Variants in LRCH3 observed in about 807,000 individuals in gnomAD.
LRCH3 encodes the protein DISP complex protein LRCH3.
Under a neutral mutation model 104.5 loss-of-function variants are expected in LRCH3, and 68 were observed. The ratio of observed to expected loss-of-function variants is 0.65; its 90% CI spans 0.54 to 0.80. LRCH3 has a LOEUF of 0.80. LRCH3 is among the 30% of genes least tolerant of loss of function. The pLI is 0.00. For synonymous variants in LRCH3, 344 were observed against 361.3 expected, an observed-to-expected ratio of 0.95 and a Z score of 0.54; for missense variants, 951 against 953.9, an observed-to-expected ratio of 1.00 and a Z score of 0.04.
At chr3:197,841,119 A>C (rs1737742170) in intron 10 of LRCH3, among the ~76,000 whole-genome samples, 1 of 152,256 alleles carries the variant, frequency 6.6e-6, no homozygotes, top group African/African-American at 2.4e-5. Context: ...TGGAGGATAG[A>C]GCCTGGGCAG....
chr3:197,812,503 A>ATTTTTTTTTTTTTTTTTTT (rs1439272123), intron 1 of LRCH3, among the ~76,000 whole-genome samples: 1 of 8,584 alleles, frequency 1.2e-4, no homozygotes, highest in Non-Finnish European at 2.6e-4. Flanking sequence ...CTCTGCTTTC[A>ATTTTTTTTTTTTTTTTTTT]GTTTTTTTTT....
Position 197,791,433 on chromosome 3 carries a change from C to A in LRCH3, c.155C>A (p.Ala52Asp). 1 of 1,595,504 alleles carries A rather than the reference C, an allele frequency of 6.3e-7. No homozygotes were observed. The highest frequency in any genetic ancestry group is 8.5e-7 in the Non-Finnish European group (1 of 1,172,442). Residue 52 changes from alanine (A) to aspartate (D), a missense_variant, in exon 1 of 21, where the codon GCC becomes GAC. Coordinates refer to ENST00000425562, the MANE Select transcript of LRCH3 (RefSeq NM_001365715.1). ...PGSWSRSLDR[A>D]LEEAAVTGVL... is the part of the protein sequence containing the mutation. ...TCGTGGAGCCGCTCTCTCGATCGAG[C>A]CCTGGAGGAGGCGGCGGTCACTGGG...
At chr3:197,846,872 T>C (rs1159951363) in intron 10 of LRCH3, among the ~76,000 whole-genome samples, 3 of 150,446 alleles carry the variant, frequency 2.0e-5, no homozygotes, top group Non-Finnish European at 4.4e-5. Flanking sequence ...GAAGTACTAC[T>C]TTTTTTTTGT....
chr3:197,865,918 C>T (rs534099383), intron 16 of LRCH3, among the ~76,000 whole-genome samples, 194 bp from the exon 17 acceptor site: 1 of 152,136 alleles, frequency 6.6e-6, no homozygotes, highest in Non-Finnish European at 1.5e-5. Flanking sequence ...CCAAAAATAA[C>T]ATGACAATGT....
At chr3:197,853,376 G>A (rs1419769974) in intron 13 of LRCH3, among the ~76,000 whole-genome samples, 2 of 152,030 alleles carry the variant, frequency 1.3e-5, no homozygotes, top group African/African-American at 4.8e-5. Flanking sequence ...TTTCAGTAGA[G>A]ACGGGGTTTC....
At chr3:197,803,608 T>C (rs551708492) in intron 1 of LRCH3, among the ~76,000 whole-genome samples, 167 of 151,766 alleles carry the variant, frequency 1.1e-3, no homozygotes, top group African/African-American at 3.8e-3. Flanking sequence ...GAGGTTGCAG[T>C]GAGCTGAGAT....
chr3:197,871,272 C>T, intron 18 of LRCH3, 53 bp from the exon 19 acceptor site: 1 of 1,368,126 alleles, frequency 7.3e-7, no homozygotes, highest in Non-Finnish European at 1.0e-6. Flanking sequence ...CCCTTATGTC[C>T]TATATGTCAG....
intron 1 of LRCH3, among the ~76,000 whole-genome samples, chr3:197,796,189 C>T (rs1478510162): frequency 4.6e-5 from 7 of 152,128 alleles, no homozygotes; most frequent in African/African-American, 7.2e-5. Context: ...TAAAGGACTT[C>T]GGCAGTTATT....
intron 20 of LRCH3, chr3:197,880,641 G>A: frequency 6.5e-7 from 1 of 1,536,692 alleles, no homozygotes; most frequent in Non-Finnish European, 8.7e-7. Context: ...GCAGCTTCTG[G>A]GTTTTGTGGC....
chr3:197,876,485 A>G (rs1021926692), intron 20 of LRCH3: 2 of 152,254 alleles, frequency 1.3e-5, no homozygotes, highest in Non-Finnish European at 2.9e-5. Context: ...AAGGGAAATG[A>G]ACTTGATACA....
intron 1 of LRCH3, among the ~76,000 whole-genome samples, chr3:197,793,952 TTCAC>T (rs1408417056): frequency 2.0e-5 from 3 of 152,240 alleles, no homozygotes; most frequent in Admixed American, 2.0e-4. Flanking sequence ...TTATTGAGTG[TTCAC>T]TATTTGTAAT....
chr3:197,872,869 G>A (rs1480866138), intron 19 of LRCH3, among the ~76,000 whole-genome samples: 2 of 152,072 alleles, frequency 1.3e-5, no homozygotes, highest in Non-Finnish European at 2.9e-5. Flanking sequence ...AAGAAAAAAA[G>A]GGAAAAGAAA....
chr3:197,849,470 T>C (rs1358648896), intron 12 of LRCH3, among the ~76,000 whole-genome samples: 1 of 152,116 alleles, frequency 6.6e-6, no homozygotes. Context: ...TCTCTTGTCC[T>C]CCTTTATCTC....
intron 14 of LRCH3, 59 bp from the exon 15 acceptor site, chr3:197,858,775 T>C: frequency 7.3e-7 from 1 of 1,378,136 alleles, no homozygotes; most frequent in South Asian, 1.2e-5. Flanking sequence ...TCTGCCTGCC[T>C]GACATTTGCT....
chr3:197,883,052 A>G lies in LRCH3; in HGVS notation c.2209-489A>G. ...TTTCACAGTCAGGATTATAATGCAG[A>G]TAGCGTAGAACTCATGCAGGCTGAG... On this transcript the variant is annotated intron_variant, in intron 20 of 20. Transcript: ENST00000425562. The surrounding 1 kb of genome is among the most constrained non-coding windows in gnomAD (Gnocchi z 4.2). The G allele has an allele frequency of 3.0e-6, 3 of 985,546 alleles. No individual in the cohort carries two copies. Among genetic ancestry groups the G allele is most frequent in the Non-Finnish European group, 3.6e-6 (3 of 830,036 alleles). 61.1% of individuals were successfully genotyped at this position (985,546 alleles called of 1,614,324 possible).
chr3:197,839,612 A>G (rs888710062), intron 10 of LRCH3, among the ~76,000 whole-genome samples: 1 of 152,178 alleles, frequency 6.6e-6, no homozygotes, highest in African/African-American at 2.4e-5. Context: ...CTACACAGTT[A>G]ATCGATCTGA....
intron 19 of LRCH3, 110 bp from the exon 20 acceptor site, chr3:197,875,588 A>G (rs541591835): frequency 4.4e-5 from 32 of 732,906 alleles, no homozygotes; most frequent in Admixed American, 7.3e-5. Context: ...TGGGAGGTCA[A>G]TGATACAGCG....
At chr3:197,880,412 A>C (rs1181995913) in intron 20 of LRCH3, 2 of 924,718 alleles carry the variant, frequency 2.2e-6, no homozygotes, top group Non-Finnish European at 3.4e-6. Context: ...GTATATGTGA[A>C]TATGACTGAG....
rs113954153 is a variant in LRCH3 at position 197,860,618 on chromosome 3, A to C, written c.1716+1713A>C. 2.8e-3 allele frequency among the ~76,000 whole-genome samples: 327 copies of C among 115,802 alleles called. 1 individual carries two copies. The highest frequency in any genetic ancestry group is 0.011 in the African/African-American group (303 of 27,220). 76.0% of individuals were successfully genotyped at this position (115,802 alleles called of 152,430 possible). A position where few individuals can be genotyped will look rare whatever the true frequency, so the allele number is the denominator to read the frequency against. On this transcript the variant is annotated intron_variant, in intron 15 of 20. Coordinates refer to ENST00000425562, the MANE Select transcript of LRCH3 (RefSeq NM_001365715.1). ...ATGTCCTTTTTTTTTTTACTTTTTAATTTTTGTGGGTACATAGTAAGTGTG... is the reference window on the plus strand; with the variant it reads ...ATGTCCTTTTTTTTTTTACTTTTTACTTTTTGTGGGTACATAGTAAGTGTG...
Sources: gnomAD v4.1 joint callset for allele counts (sites outside exome capture counted in the v4.1 genomes callset) on GRCh38, gnomAD v4.1.1 for gene constraint, Gnocchi (gnomAD v3.1) non-coding constraint, MANE v1.5 for transcripts, NCBI Gene and HGNC (gene_info 2026-07-23, HGNC 2026-07-21) for gene names.